UGT1A5: variants seen among roughly 807,000 people sequenced by gnomAD.
UGT1A5 encodes the protein UDP-glucuronosyltransferase 1A5.
Under a neutral mutation model 40.3 loss-of-function variants are expected in UGT1A5, and 29 were observed. The ratio of observed to expected loss-of-function variants is 0.72; its 90% confidence interval spans 0.54 to 0.98. UGT1A5 has a LOEUF of 0.98. Among genes scored for constraint, UGT1A5 ranks in the 50% least tolerant of loss-of-function variants. The pLI, the probability that UGT1A5 is intolerant of heterozygous loss-of-function variation, is 0.00. For missense variants in UGT1A5, 678 were observed against 677.9 expected, an observed-to-expected ratio of 1.00 and a Z score of 0.00; for synonymous variants, 257 against 262.5, an observed-to-expected ratio of 0.98 and a Z score of 0.20.
chr2:233,742,567 C>G (rs1045281711), intron 1 of UGT1A5, among the ~76,000 whole-genome samples: 1 of 151,796 alleles, frequency 6.6e-6, no homozygotes, highest in Non-Finnish European at 1.5e-5. Flanking sequence ...AGCTTCTGGC[C>G]GGAATTGGGG....
rs1196428735 is a variant in UGT1A5 at position 233,732,781 on chromosome 2, T to C, written c.867+18923T>C. Reference sequence around the variant, plus strand: ...TTTTTTTTTTTTTTTTGCTTAGGATTGTCTTGGCAATGCAGGCTCTTTTTT... The same window carrying C: ...TTTTTTTTTTTTTTTTGCTTAGGATCGTCTTGGCAATGCAGGCTCTTTTTT... On this transcript the variant is annotated intron_variant, in intron 1 of 4. Transcript: ENST00000373414. Among the ~76,000 whole-genome samples the C allele has an allele frequency of 2.6e-5, 4 of 151,222 alleles. No individual in the cohort carries two copies. In the East Asian group the frequency reaches 7.7e-4, roughly 29 times the overall value.
At chr2:233,739,018 C>T (rs1339173846) in intron 1 of UGT1A5, 1 of 152,272 alleles carries the variant, frequency 6.6e-6, no homozygotes, top group Non-Finnish European at 1.5e-5. Flanking sequence ...TGGCTCCAGC[C>T]ATGGCTAAAA....
In UGT1A5 at chr2:233,745,331, C is replaced by A. The variant is rs932563797; in HGVS notation, c.868-21703C>A. Among the ~76,000 whole-genome samples, 35 of 151,966 alleles carry A rather than the reference C, an allele frequency of 2.3e-4. 1 individual carries two copies. The highest frequency in any genetic ancestry group is 8.2e-4 in the African/African-American group (34 of 41,248). ...ATTATTTCCACTAGAACTGCTATAT[C>A]ATGACCATGAATTTTGGGGGAATTT... is the stretch of plus-strand genomic sequence containing the variant. On this transcript the variant is annotated intron_variant, in intron 1 of 4. Transcript: ENST00000373414.
Position 233,772,402 on chromosome 2 carries a change from C to T in UGT1A5, c.1448C>T (p.Thr483Ile), listed in dbSNP as rs1279219087. The T allele has an allele frequency of 6.2e-7, 1 of 1,614,144 alleles. No individual in the cohort carries two copies. The highest frequency in any genetic ancestry group is 1.3e-5 in the African/African-American group (1 of 74,938). ...CTGCGCCCCGCAGCCCACGACCTCA[C>T]CTGGTACCAGTACCATTCCTTGGAC... ...PHLRPAAHDLTWYQYHSLDVI... is the reference protein window; with the variant it reads ...PHLRPAAHDLIWYQYHSLDVI... The change falls in exon 5 of 5, where the codon ACC (threonine) becomes ATC (isoleucine). Residue 483 changes from threonine to isoleucine, a missense_variant. By Grantham distance (89) the Thr-to-Ile change is moderately conservative. Coordinates refer to ENST00000373414, the MANE Select transcript of UGT1A5 (RefSeq NM_019078.2).
intron 1 of UGT1A5, chr2:233,719,815 A>G: frequency 6.3e-7 from 1 of 1,582,596 alleles, no homozygotes; most frequent in Non-Finnish European, 8.6e-7. Context: ...TTTATAACAG[A>G]TAAACTGTTG....
chr2:233,741,248 A>T (rs997599929), intron 1 of UGT1A5, among the ~76,000 whole-genome samples: 9 of 151,896 alleles, frequency 5.9e-5, no homozygotes, highest in African/African-American at 1.9e-4. Context: ...TGACACTGGT[A>T]TGCCACTCTT....
chr2:233,762,242 T>C (rs1400660032), intron 1 of UGT1A5, among the ~76,000 whole-genome samples: 1 of 152,116 alleles, frequency 6.6e-6, no homozygotes, highest in Non-Finnish European at 1.5e-5. Flanking sequence ...AGGCACAGAA[T>C]AGGCACCCAC....
intron 1 of UGT1A5, chr2:233,719,251 C>T: frequency 1.2e-6 from 2 of 1,614,174 alleles, no homozygotes; most frequent in Non-Finnish European, 1.7e-6. Context: ...CTGAATGCTA[C>T]TTCCTTTGAT....
At position 233,729,298 on chromosome 2, in the gene UGT1A5, G is replaced by A. The variant is rs140541315; in HGVS notation, c.867+15440G>A. On this transcript the variant is annotated intron_variant, in intron 1 of 4. Transcript: ENST00000373414. ...GGAGCTCCATGCCAGAGGCCACCAG[G>A]CAGTGGTCCTCACCCCAGAGGTGAA... 186 of 1,614,254 alleles carry A rather than the reference G, an allele frequency of 1.2e-4. No individual in the cohort carries two copies. In the African/African-American group the frequency reaches 1.9e-3, roughly 17 times the overall value.
chr2:233,760,703 C>T, intron 1 of UGT1A5: 1 of 1,614,236 alleles, frequency 6.2e-7, no homozygotes. Flanking sequence ...CTCATGGCCT[C>T]CCTGGCAGAA....
Position 233,713,465 on chromosome 2 carries a change from G to A in UGT1A5, c.474G>A (p.Ala158=), listed in dbSNP as rs147117995. Residue 158 remains alanine (A), a synonymous_variant, in exon 1 of 5, where the codon GCG becomes GCA. Coordinates refer to ENST00000373414, the MANE Select transcript of UGT1A5 (RefSeq NM_019078.2). ...VVLTDPFHLC[A]AVLAKYLSIP... ...TAACAGACCCCTTTCACCTCTGCGC[G>A]GCGGTGCTGGCTAAGTACCTGTCGA... is the stretch of plus-strand genomic sequence containing the variant. 2.5e-4 allele frequency: 400 copies of A among 1,613,916 alleles called. 3 individuals carry two copies. The East Asian group carries it at 5.4e-3, about 22-fold the overall frequency.
At chr2:233,719,081 G>C (rs146146688) in intron 1 of UGT1A5, 13 of 1,614,146 alleles carry the variant, frequency 8.1e-6, no homozygotes, top group South Asian at 1.1e-5. Context: ...GGACCCAGAA[G>C]GAATTTGATC....
intron 1 of UGT1A5, among the ~76,000 whole-genome samples, chr2:233,724,206 A>T (rs2077188856): frequency 1.7e-5 from 2 of 117,190 alleles, no homozygotes; most frequent in African/African-American, 3.7e-5. Flanking sequence ...GGCCGGGCTG[A>T]GGGGCTCCTC....
At chr2:233,732,882 T>A (rs2078332134) in intron 1 of UGT1A5, among the ~76,000 whole-genome samples, 1 of 152,004 alleles carries the variant, frequency 6.6e-6, no homozygotes, top group African/African-American at 2.4e-5. Context: ...TGGCATTGAA[T>A]CTATAAATTA....
At chr2:233,719,463 C>T (rs778257140) in intron 1 of UGT1A5, 5 of 1,613,980 alleles carry the variant, frequency 3.1e-6, no homozygotes, top group South Asian at 1.1e-5. Context: ...CAAGAACATG[C>T]TCTACCCTCT....
chr2:233,745,515 T>C (rs1256648631), intron 1 of UGT1A5, among the ~76,000 whole-genome samples: 1 of 151,514 alleles, frequency 6.6e-6, no homozygotes, highest in African/African-American at 2.4e-5. Flanking sequence ...GGGTATTAGG[T>C]CTAATGGGGA....
chr2:233,718,884 G>T (rs755101119), intron 1 of UGT1A5: 44 of 1,614,026 alleles, frequency 2.7e-5, no homozygotes, highest in Non-Finnish European at 3.6e-5. Flanking sequence ...CCTCCTCAGT[G>T]TCCAGCCCTG....
intron 1 of UGT1A5, chr2:233,747,355 T>C: frequency 1.2e-6 from 2 of 1,603,184 alleles, no homozygotes; most frequent in East Asian, 2.2e-5. Context: ...CGGGAGGCCG[T>C]GCGGGAGCTC....
intron 1 of UGT1A5, among the ~76,000 whole-genome samples, chr2:233,732,497 G>A (rs2078278332): frequency 6.6e-6 from 1 of 152,228 alleles, no homozygotes; most frequent in Non-Finnish European, 1.5e-5. Flanking sequence ...TAAGGCGTAA[G>A]GAAGGGATCC....
Sources: allele counts gnomAD v4.1 joint callset (sites outside exome capture counted in the v4.1 genomes callset), GRCh38; gene constraint gnomAD v4.1.1; transcripts MANE v1.5; gene names NCBI Gene and HGNC (gene_info 2026-07-23, HGNC 2026-07-21).